FAT4: variants seen among roughly 807,000 people sequenced by gnomAD.
FAT4 encodes FAT atypical cadherin 4.
Under a neutral mutation model 303.9 loss-of-function variants are expected in FAT4, and 84 were observed. That is an observed-to-expected ratio of 0.28 (90% CI 0.23 to 0.33). The LOEUF (loss-of-function observed/expected upper bound fraction) is 0.33, where lower values mean the gene tolerates loss of function less well. Ranked by LOEUF, FAT4 falls within the 10% of genes least tolerant of loss-of-function variation. FAT4 has a pLI of 1.00. For missense variants in FAT4, 6,005 were observed against 6,146.8 expected (o/e 0.98, Z 0.77); for synonymous variants, 2,307 against 2,298.8 (o/e 1.00, Z -0.10).
In FAT4 at chr4:125,487,527, G is replaced by C. The variant is rs758277956; in HGVS notation, c.13005G>C (p.Gln4335His). ...IYNRDIIHPT[Q>H]DFGGLDVLTI... ...ACAGAGATATTATCCACCCTACTCA[G>C]GACTTCGGTGGCCTTGATGTGCTTA... Residue 4335 changes from glutamine (Q) to histidine (H), a missense_variant, in exon 17 of 18, where the codon CAG becomes CAC. Gln to His is a conservative substitution (Grantham distance 24, BLOSUM62 0). Transcript: ENST00000394329. 3 of 1,613,886 alleles carry C rather than the reference G, an allele frequency of 1.9e-6. No homozygotes were observed. Among genetic ancestry groups the C allele is most frequent in the Non-Finnish European group, 2.5e-6 (3 of 1,179,872 alleles).
intron 8 of FAT4, among the ~76,000 whole-genome samples, chr4:125,444,415 G>A (rs1725758282): frequency 6.6e-6 from 1 of 152,128 alleles, no homozygotes; most frequent in Non-Finnish European, 1.5e-5. Flanking sequence ...CCACTTCCGT[G>A]ATAATGGCAT....
At chr4:125,458,073 A>G (rs749567925) in intron 10 of FAT4, among the ~76,000 whole-genome samples, 4 of 151,598 alleles carry the variant, frequency 2.6e-5, no homozygotes, top group Non-Finnish European at 4.4e-5. Context: ...AAATCTGGCT[A>G]TCTTATAACA....
At chr4:125,349,481 G>A (rs7697665) in intron 2 of FAT4, among the ~76,000 whole-genome samples, 17,673 of 151,558 alleles carry the variant, frequency 0.12, 1,428 homozygotes, top group African/African-American at 0.22. Context: ...TGTTTACTGT[G>A]TTTCTCATTC....
chr4:125,394,667 C>A (rs1444191592), intron 2 of FAT4, among the ~76,000 whole-genome samples: 1 of 152,072 alleles, frequency 6.6e-6, no homozygotes, highest in South Asian at 2.1e-4. Context: ...TTTTATATAA[C>A]GTTTTAAAAT....
Position 125,383,721 on chromosome 4 carries a change from C to T in FAT4, c.5176-15063C>T, listed in dbSNP as rs375951663. On this transcript the variant is annotated intron_variant, in intron 2 of 17. Transcript: ENST00000394329. ...TGCAATGAAACATGGTTTTCCAGTA[C>T]GTGATATTAAACCATATCATGAAAT... Among the ~76,000 whole-genome samples the T allele has an allele frequency of 8.5e-5, 13 of 152,200 alleles. No homozygotes were observed. The South Asian group carries it at 1.0e-3, about 12-fold the overall frequency.
chr4:125,392,397 G>T (rs1334463281), intron 2 of FAT4, among the ~76,000 whole-genome samples: 4 of 151,560 alleles, frequency 2.6e-5, no homozygotes, highest in Non-Finnish European at 5.9e-5. Context: ...AGCACTATTT[G>T]CCTTGATGCA....
At position 125,489,936 on chromosome 4, in the gene FAT4, G is replaced by A; in HGVS notation, c.13120G>A (p.Gly4374Ser). 1 of 1,586,568 alleles carries A rather than the reference G, an allele frequency of 6.3e-7. No individual in the cohort carries two copies. The highest frequency in any genetic ancestry group is 8.6e-7 in the Non-Finnish European group (1 of 1,168,446). ...FDGCIASMWYGGESLPFSGKH... is the reference protein window; with the variant it reads ...FDGCIASMWYSGESLPFSGKH... ...TGGCTGCATTGCTTCTATGTGGTAT[G>A]GTGGAGAAAGTCTTCCTTTCAGCGG... Residue 4374 changes from glycine (G) to serine (S), a missense_variant, in exon 18 of 18, where the codon GGT (glycine) becomes AGT (serine). Physicochemically the swap from Gly to Ser is moderately conservative, Grantham distance 56 (BLOSUM62 0). Transcript: ENST00000394329.
In FAT4 at chr4:125,336,312, C is replaced by T. The variant is rs73845979; in HGVS notation, c.5175+14726C>T. Among the ~76,000 whole-genome samples, 1,310 of 152,008 alleles carry T rather than the reference C, an allele frequency of 8.6e-3. 17 individuals carry two copies. The highest frequency in any genetic ancestry group is 0.03 in the African/African-American group (1,239 of 41,522). The stretch of plus-strand genomic sequence containing the variant: ...ATGTAATTTTTAAACATTGATTTTG[C>T]ATTTATTTATTTTAAGTAAACTACA... On this transcript the variant is annotated intron_variant, in intron 2 of 17. Transcript: ENST00000394329.
chr4:125,387,995 G>A (rs935778661), intron 2 of FAT4, among the ~76,000 whole-genome samples: 1 of 152,288 alleles, frequency 6.6e-6, no homozygotes, highest in South Asian at 2.1e-4. Flanking sequence ...CTCTAGGCTA[G>A]ACTCAACTAG....
At chr4:125,344,381 C>G (rs572341943) in intron 2 of FAT4, among the ~76,000 whole-genome samples, 1 of 152,166 alleles carries the variant, frequency 6.6e-6, no homozygotes, top group East Asian at 1.9e-4. Flanking sequence ...TTTTAATTCA[C>G]TTTTCCTTGT....
intron 7 of FAT4, among the ~76,000 whole-genome samples, chr4:125,427,413 A>C (rs2126038029): frequency 6.6e-6 from 1 of 151,350 alleles, no homozygotes; most frequent in African/African-American, 2.4e-5. Flanking sequence ...TTCCTATGCA[A>C]AAATAATGAA....
intron 10 of FAT4, among the ~76,000 whole-genome samples, chr4:125,456,462 A>AT (rs1402661607): frequency 6.6e-6 from 1 of 152,168 alleles, no homozygotes; most frequent in African/African-American, 2.4e-5. Flanking sequence ...TGAATCTTAC[A>AT]TTTTTTAAAT....
intron 2 of FAT4, among the ~76,000 whole-genome samples, chr4:125,382,358 G>T (rs891482189): frequency 6.6e-6 from 1 of 152,164 alleles, no homozygotes; most frequent in African/African-American, 2.4e-5. Context: ...AATGGATGCT[G>T]TGTTACCAGG....
At chr4:125,397,736 C>T (rs1379266932) in intron 2 of FAT4, among the ~76,000 whole-genome samples, 1 of 152,130 alleles carries the variant, frequency 6.6e-6, no homozygotes, top group African/African-American at 2.4e-5. Flanking sequence ...CTTACTGCCT[C>T]TCCCCTTCCC....
At position 125,451,079 on chromosome 4, in the gene FAT4, A is replaced by G. The variant is rs1384371571; in HGVS notation, c.10069A>G (p.Ile3357Val). Residue 3357 changes from isoleucine (I) to valine (V), a missense_variant, in exon 10 of 18, where the codon ATT becomes GTT. Physicochemically the swap from Ile to Val is conservative, Grantham distance 29. Coordinates refer to ENST00000394329, the MANE Select transcript of FAT4 (RefSeq NM_001291303.3). ...CCAGATCAATAAGAAGACTGGACAG[A>G]TTTATGTTTCTGGAATTCTTGATCG... ...GFQINKKTGQ[I>V]YVSGILDREK... 8.1e-6 allele frequency: 13 copies of G among 1,614,090 alleles called. No homozygotes were observed. The highest frequency in any genetic ancestry group is 1.1e-5 in the Non-Finnish European group (13 of 1,180,002).
intron 12 of FAT4, among the ~76,000 whole-genome samples, chr4:125,469,084 T>C (rs1285072572): frequency 6.6e-6 from 1 of 152,244 alleles, no homozygotes; most frequent in Admixed American, 6.5e-5. Context: ...AGGACTATAC[T>C]TAAAATAACT....
chr4:125,463,710 T>C, intron 11 of FAT4, 43 bp downstream of exon 11: 1 of 1,352,810 alleles, frequency 7.4e-7, no homozygotes, highest in Non-Finnish European at 1.0e-6. Context: ...AAGTTTATTT[T>C]TGCACACAGT....
At chr4:125,488,680 T>C (rs17009848) in intron 17 of FAT4, among the ~76,000 whole-genome samples, 33,338 of 152,184 alleles carry the variant, frequency 0.22, 4,413 homozygotes, top group East Asian at 0.37. Context: ...ATATTAGATT[T>C]GGTTTGGGAC....
At position 125,318,151 on chromosome 4, in the gene FAT4, A is replaced by G. The variant is rs1246607177; in HGVS notation, c.1740A>G (p.Pro580=). The G allele has an allele frequency of 5.0e-6, 8 of 1,614,176 alleles. No homozygotes were observed. The highest frequency in any genetic ancestry group is 1.7e-5 in the Admixed American group (1 of 60,024). The change falls in exon 2 of 18, where the codon CCA becomes CCG. Residue 580 remains proline, a synonymous_variant. Coordinates refer to ENST00000394329, the MANE Select transcript of FAT4 (RefSeq NM_001291303.3). ...VTLLDVNDEK[P]VFSQPEGYDV... ...TCCTAGATGTGAATGATGAAAAGCCAGTATTTAGCCAGCCAGAAGGGTATG... is the reference window on the plus strand; with the variant it reads ...TCCTAGATGTGAATGATGAAAAGCCGGTATTTAGCCAGCCAGAAGGGTATG...
Sources: gnomAD v4.1 joint callset for allele counts (sites outside exome capture counted in the v4.1 genomes callset) on GRCh38, gnomAD v4.1.1 for gene constraint, MANE v1.5 for transcripts, NCBI Gene and HGNC (gene_info 2026-07-23, HGNC 2026-07-21) for gene names.